Variants in CENPP observed in about 807,000 individuals in gnomAD.
CENPP encodes centromere protein P.
A neutral mutation model predicts 35.6 loss-of-function variants in CENPP; 24 were observed. That is an observed-to-expected ratio of 0.67 (90% CI 0.49 to 0.95). CENPP has a LOEUF of 0.95. Among genes scored for constraint, CENPP ranks in the 40% least tolerant of loss-of-function variants. CENPP has a pLI of 0.00. For synonymous variants in CENPP, 120 were observed against 125.5 expected, an observed-to-expected ratio of 0.96 and a Z score of 0.29; for missense variants, 332 against 345.3, an observed-to-expected ratio of 0.96 and a Z score of 0.31.
chr9:92,470,022 T>A (rs578075952), intron 5 of CENPP, among the ~76,000 whole-genome samples: 1 of 152,038 alleles, frequency 6.6e-6, no homozygotes, highest in Admixed American at 6.6e-5. Flanking sequence ...AGAGGTGGAG[T>A]CTTGTTGTGT....
At chr9:92,448,273 CTTTT>C (rs980637699) in intron 5 of CENPP, among the ~76,000 whole-genome samples, 1 of 142,794 alleles carries the variant, frequency 7.0e-6, no homozygotes, top group African/African-American at 2.6e-5. Flanking sequence ...TCTCTTTTTT[CTTTT>C]TTTTTTTTTG....
chr9:92,550,410 T>G (rs963102456), intron 5 of CENPP, among the ~76,000 whole-genome samples: 2 of 148,434 alleles, frequency 1.3e-5, no homozygotes, highest in Non-Finnish European at 3.0e-5. Context: ...AAAAAAATGG[T>G]GTCATTGGAG....
intron 5 of CENPP, chr9:92,417,684 A>AG: frequency 1.5e-6 from 1 of 647,994 alleles, no homozygotes; most frequent in Non-Finnish European, 2.4e-6. Context: ...CTATATATAA[A>AG]AGAATATCCA....
chr9:92,398,937 CT>C (rs1842998347), intron 5 of CENPP, among the ~76,000 whole-genome samples: 2 of 151,970 alleles, frequency 1.3e-5, no homozygotes. Flanking sequence ...TGGCGCGTGC[CT>C]GTAATCCCAG....
intron 5 of CENPP, among the ~76,000 whole-genome samples, chr9:92,560,787 G>A (rs955005421): frequency 2.0e-5 from 3 of 150,948 alleles, no homozygotes; most frequent in East Asian, 1.9e-4. Flanking sequence ...TTCTGCTTCC[G>A]CATTTATGGC....
At chr9:92,337,451 T>C in intron 2 of CENPP, 90 bp from the exon 3 acceptor site, 1 of 748,240 alleles carries the variant, frequency 1.3e-6, no homozygotes, top group Non-Finnish European at 2.4e-6. Flanking sequence ...TATACCCACA[T>C]GTATTGTAGA....
chr9:92,437,497 C>A (rs1480249261), intron 5 of CENPP, among the ~76,000 whole-genome samples: 1 of 149,994 alleles, frequency 6.7e-6, no homozygotes, highest in African/African-American at 2.5e-5. Context: ...GAAGCTTCTG[C>A]CTCCTGGGCT....
rs749920779 is a variant in CENPP, at chr9:92,616,093, C to T, written c.*2944C>T. ...AAAGTACCATTTCAGGATACACAAG[C>T]CCCCCATTCATTTCCCTCCCTCCCG... On this transcript the variant is annotated 3_prime_UTR_variant, in exon 8 of 8. Transcript: ENST00000375587. The T allele has an allele frequency of 1.5e-5, 22 of 1,438,444 alleles. No homozygotes were observed. The South Asian group carries it at 2.5e-4, about 16-fold the overall frequency. 89.1% of individuals were successfully genotyped at this position (1,438,444 alleles called of 1,614,324 possible). A position where few individuals can be genotyped will look rare whatever the true frequency, so the allele number is the denominator to read the frequency against.
At chr9:92,390,019 T>C (rs775806125) in intron 5 of CENPP, 1 of 1,605,902 alleles carries the variant, frequency 6.2e-7, no homozygotes, top group South Asian at 1.1e-5. Context: ...CTATATCTTC[T>C]ATCAAATTTC....
At chr9:92,494,014 G>A in intron 5 of CENPP, 1 of 1,518,226 alleles carries the variant, frequency 6.6e-7, no homozygotes, top group Non-Finnish European at 9.0e-7. Context: ...TCGTCGCATT[G>A]TCACCCATTT....
At chr9:92,478,676 C>T (rs1341668205) in intron 5 of CENPP, among the ~76,000 whole-genome samples, 2 of 152,100 alleles carry the variant, frequency 1.3e-5, no homozygotes, top group Non-Finnish European at 2.9e-5. Context: ...AGGTCTTGAA[C>T]TCCTGACCTT....
intron 5 of CENPP, among the ~76,000 whole-genome samples, chr9:92,428,317 G>A (rs1028512501): frequency 1.3e-5 from 2 of 152,116 alleles, no homozygotes; most frequent in Admixed American, 6.6e-5. Context: ...AAGTGTGGCC[G>A]GAGGTCCATC....
chr9:92,457,615 G>T, intron 5 of CENPP: 1 of 690,536 alleles, frequency 1.4e-6, no homozygotes. Context: ...GTATTTTCAG[G>T]TAAAGTAGAT....
At chr9:92,471,664 C>CT (rs569488274) in intron 5 of CENPP, among the ~76,000 whole-genome samples, 4,986 of 135,744 alleles carry the variant, frequency 0.037, 112 homozygotes, top group South Asian at 0.085. Flanking sequence ...ATATATTATT[C>CT]TTTTTTTTTT....
In CENPP at chr9:92,620,259, T is replaced by A. The variant is rs1851586471; in HGVS notation, c.*7110T>A. 2 of 153,984 alleles carry A rather than the reference T, an allele frequency of 1.3e-5. No individual in the cohort carries two copies. Among genetic ancestry groups the A allele is most frequent in the South Asian group, 2.0e-4 (1 of 4,938 alleles). 9.5% of individuals were successfully genotyped at this position (153,984 alleles called of 1,614,324 possible). ...ACACTCTTCAACACATGCTCCAAGC[T>A]ATGTGGGTCTGTCCATACTGACCAG... On this transcript the variant is annotated 3_prime_UTR_variant, in exon 8 of 8. Transcript: ENST00000375587.
At chr9:92,464,978 T>C in intron 5 of CENPP, 1 of 1,614,052 alleles carries the variant, frequency 6.2e-7, no homozygotes, top group Non-Finnish European at 8.5e-7. Context: ...CGTCACCCCT[T>C]CAAATGCCCC....
chr9:92,399,648 T>C (rs1843028175), intron 5 of CENPP, among the ~76,000 whole-genome samples: 2 of 152,230 alleles, frequency 1.3e-5, no homozygotes, highest in Non-Finnish European at 2.9e-5. Context: ...TTTCATTTTA[T>C]ACATTCAGAT....
In CENPP at chr9:92,615,961, G is replaced by C. The variant is rs759398242; in HGVS notation, c.*2812G>C. 1.2e-6 allele frequency: 2 copies of C among 1,614,086 alleles called. No homozygotes were observed. The highest frequency in any genetic ancestry group is 8.5e-7 in the Non-Finnish European group (1 of 1,179,996). On this transcript the variant is annotated 3_prime_UTR_variant, in exon 8 of 8. Coordinates refer to ENST00000375587, the MANE Select transcript of CENPP (RefSeq NM_001012267.3). ...TCTTGCCGTCCAGTTTATACTGATG[G>C]GGAATGCTCTCGTAGGGCTTGAGGT... is the stretch of plus-strand genomic sequence containing the variant.
Position 92,567,369 on chromosome 9 carries a change from G to GATATATATATAT in CENPP, c.565-43942_565-43941insTATATATATATA, listed in dbSNP as rs888840109. On this transcript the variant is annotated intron_variant, in intron 5 of 7. Coordinates refer to ENST00000375587, the MANE Select transcript of CENPP (RefSeq NM_001012267.3). Reference sequence around the variant, plus strand: ...ATTTATGGGGTATACAGTTACATAAGATAGATATATATATATATATATATA... The same window carrying GATATATATATAT: ...ATTTATGGGGTATACAGTTACATAAGATATATATATATATAGATATATATATATATATATATA... 3.8e-3 allele frequency among the ~76,000 whole-genome samples: 397 copies of GATATATATATAT among 104,030 alleles called. 1 individual carries two copies. The highest frequency in any genetic ancestry group is 8.2e-3 in the African/African-American group (281 of 34,292). The allele number at this position is 104,030 out of a possible 152,430, so 68.2% of individuals were successfully genotyped here.
Sources: gnomAD v4.1 joint callset for allele counts (sites outside exome capture counted in the v4.1 genomes callset) on GRCh38, gnomAD v4.1.1 for gene constraint, MANE v1.5 for transcripts, NCBI Gene and HGNC (gene_info 2026-07-23, HGNC 2026-07-21) for gene names.